Variants in NPEPL1 observed in about 807,000 individuals in gnomAD.
The protein encoded by NPEPL1 is probable aminopeptidase NPEPL1.
NPEPL1 carries 45 observed loss-of-function variants against 52.4 expected under a neutral mutation model. That is an observed-to-expected ratio of 0.86 (90% confidence interval 0.68 to 1.10). NPEPL1 has a LOEUF of 1.10. Among genes scored for constraint, NPEPL1 ranks in the 50% least tolerant of loss-of-function variants. NPEPL1 has a pLI of 0.00. For synonymous variants in NPEPL1, 360 were observed against 314.7 expected (o/e 1.14, Z -1.52); for missense variants, 696 against 710.9 (o/e 0.98, Z 0.24).
chr20:58,712,562 C>T lies in NPEPL1; in HGVS notation c.984C>T (p.His328=), dbSNP rs1173759237. The part of the protein sequence containing the change: ...GPNATRPDDI[H]LLYSGKTVEI... ...ATGCGACAAGGCCAGATGACATCCA[C>T]CTGCTGTACTCAGGGAAGTACGTCT... The change falls in exon 8 of 12, where the codon CAC becomes CAT. Residue 328 remains histidine (H), a synonymous_variant. Transcript: ENST00000356091. 1.9e-6 allele frequency: 3 copies of T among 1,612,720 alleles called. No homozygotes were observed. The highest frequency in any genetic ancestry group is 1.7e-5 in the Admixed American group (1 of 60,008).
At chr20:58,702,291 GC>G (rs145187890) in intron 6 of NPEPL1, among the ~76,000 whole-genome samples, 17,125 of 152,278 alleles carry the variant, frequency 0.11, 1,066 homozygotes, top group African/African-American at 0.14. Context: ...CAGTGGGCCT[GC>G]CCCTGGTGTC....
At chr20:58,712,696 G>C (rs760745229) in intron 8 of NPEPL1, 117 bp downstream of exon 8, 1 of 779,814 alleles carries the variant, frequency 1.3e-6, no homozygotes, top group African/African-American at 1.7e-5. Context: ...GGGGTCCCCT[G>C]GGCAGCAGGC....
At chr20:58,692,128 C>T (rs1038834932), upstream of NPEPL1, 8 of 428,196 alleles carry the variant, frequency 1.9e-5, no homozygotes, top group East Asian at 3.1e-4. The surrounding 1 kb of genome is among the most constrained non-coding windows in gnomAD (Gnocchi z 5.7). Flanking sequence ...GGCGGGAAGG[C>T]CCCCCATGCA....
upstream of NPEPL1, chr20:58,691,104 G>GTCCTATTA: frequency 1.4e-6 from 1 of 702,948 alleles, no homozygotes; most frequent in Non-Finnish European, 2.6e-6. Context: ...ATCTGTCAGG[G>GTCCTATTA]CATGGCCTTA....
intron 7 of NPEPL1, among the ~76,000 whole-genome samples, chr20:58,709,505 T>C (rs991077800): frequency 1.3e-5 from 2 of 152,042 alleles, no homozygotes; most frequent in South Asian, 2.1e-4. Context: ...TCATTCCAGG[T>C]GAGAGTGGCC....
rs2084920158 is a variant in NPEPL1 at position 58,714,689 on chromosome 20, C to T, written c.1413+19C>T. 1 of 1,555,272 alleles carries T rather than the reference C, an allele frequency of 6.4e-7. No individual in the cohort carries two copies. On this transcript the variant is annotated intron_variant, in intron 11 of 11. Transcript: ENST00000356091. Reference sequence around the variant, plus strand: ...GCATGCTGTGAGTGTCTCCCCTCCCCACTGGCCCTGGCTGCTCCCGCCCGC... The same window carrying T: ...GCATGCTGTGAGTGTCTCCCCTCCCTACTGGCCCTGGCTGCTCCCGCCCGC...
intron 5 of NPEPL1, 140 bp from the exon 6 acceptor site, chr20:58,700,876 G>GAGAA: frequency 1.3e-6 from 1 of 780,458 alleles, no homozygotes; most frequent in Non-Finnish European, 1.9e-6. Context: ...CCAGGGGCAG[G>GAGAA]AGAAGGGGCA....
At chr20:58,711,215 C>T (rs1413951911) in intron 7 of NPEPL1, 1 of 151,488 alleles carries the variant, frequency 6.6e-6, no homozygotes, top group Middle Eastern at 3.4e-3. Context: ...TGGTGGAGCT[C>T]ATCTCTGTGG....
At chr20:58,689,958 C>T (rs763420828), upstream of NPEPL1, among the ~76,000 whole-genome samples, 13 of 152,224 alleles carry the variant, frequency 8.5e-5, no homozygotes, top group East Asian at 5.8e-4. Flanking sequence ...GCAGATGCAC[C>T]GAGGAAATGT....
intron 8 of NPEPL1, chr20:58,712,853 T>C (rs2084881215): frequency 1.9e-6 from 1 of 517,586 alleles, no homozygotes; most frequent in East Asian, 3.8e-5. Context: ...GACAGGTCTT[T>C]CCAAAATTTA....
rs527881706 is a variant in NPEPL1 at position 58,707,511 on chromosome 20, C to G, written c.900+311C>G. The stretch of plus-strand genomic sequence containing the variant: ...TGGCCTAGACCCTCATGGCATGTGG[C>G]AGGCAGAAGCTCATGGCAGGGGCAC... On this transcript the variant is annotated intron_variant, in intron 7 of 11. Transcript: ENST00000356091. Among the ~76,000 whole-genome samples the G allele has an allele frequency of 2.6e-5, 4 of 152,368 alleles. No homozygotes were observed. The South Asian group carries it at 8.3e-4, about 32-fold the overall frequency.
intron 10 of NPEPL1, 124 bp downstream of exon 10, chr20:58,714,217 C>A: frequency 9.0e-7 from 1 of 1,116,474 alleles, no homozygotes; most frequent in Non-Finnish European, 1.2e-6. Flanking sequence ...ACAGTGCAGA[C>A]GAGGGCTTGA....
rs985441562 is a variant in NPEPL1 at position 58,714,791 on chromosome 20, C to T, written c.1413+121C>T. 1.4e-5 allele frequency: 11 copies of T among 787,862 alleles called. No homozygotes were observed. The South Asian group carries it at 1.5e-4, about 11-fold the overall frequency. The allele number at this position is 787,862 out of a possible 1,614,324, so 48.8% of individuals were successfully genotyped here. ...AAACTTCTGTCTGTGACCCAGCTTC[C>T]AGCCCGCTGTCCCCACCACCCCCAG... On this transcript the variant is annotated intron_variant, in intron 11 of 11. Transcript: ENST00000356091.
chr20:58,707,448 T>C (rs1452911845), intron 7 of NPEPL1, among the ~76,000 whole-genome samples: 1 of 152,222 alleles, frequency 6.6e-6, no homozygotes, highest in Admixed American at 6.5e-5. Context: ...CTGCCTTGGC[T>C]CCAGAGCCCC....
upstream of NPEPL1, chr20:58,691,463 G>A (rs148892415): frequency 5.2e-3 from 3,385 of 648,678 alleles, 21 homozygotes; most frequent in Admixed American, 9.0e-3. Context: ...AAAAAGACCT[G>A]CCTTCAGGAT....
At chr20:58,697,876 G>A (rs550262974) in intron 3 of NPEPL1, among the ~76,000 whole-genome samples, 1 of 152,344 alleles carries the variant, frequency 6.6e-6, no homozygotes, top group African/African-American at 2.4e-5. Flanking sequence ...GTGCTTTGGT[G>A]CATGTGCCCC....
chr20:58,708,772 A>G (rs61285514), intron 7 of NPEPL1, among the ~76,000 whole-genome samples: 53,667 of 151,978 alleles, frequency 0.35, 13,179 homozygotes, highest in African/African-American at 0.7. Flanking sequence ...TGGGCTCACC[A>G]GAAGAATGCT....
rs755415154 is a variant in NPEPL1 at position 58,693,819 on chromosome 20, C to T, written c.233C>T (p.Ala78Val). The change falls in exon 2 of 12, where the codon GCC (alanine) becomes GTC (valine). Residue 78 changes from alanine to valine, a missense_variant. Ala to Val is a moderately conservative substitution (Grantham distance 64, BLOSUM62 0). Coordinates refer to ENST00000356091, the MANE Select transcript of NPEPL1 (RefSeq NM_024663.4). ...PLYLNYATVA[A>V]LPCRVSRHNS... Reference sequence around the variant, plus strand: ...TACCTGAACTACGCCACCGTGGCTGCCCTGCCCTGCAGGGTGAGCCGGCAC... The same window carrying T: ...TACCTGAACTACGCCACCGTGGCTGTCCTGCCCTGCAGGGTGAGCCGGCAC... 7.4e-6 allele frequency: 12 copies of T among 1,613,386 alleles called. No homozygotes were observed. Among genetic ancestry groups the T allele is most frequent in the Non-Finnish European group, 9.3e-6 (11 of 1,179,652 alleles).
chr20:58,695,900 A>C (rs1261833329), intron 3 of NPEPL1, among the ~76,000 whole-genome samples: 5 of 152,122 alleles, frequency 3.3e-5, no homozygotes, highest in Non-Finnish European at 7.4e-5. Flanking sequence ...CCCTCCTTGA[A>C]GTGCATCTGC....
Sources: allele counts gnomAD v4.1 joint callset (sites outside exome capture counted in the v4.1 genomes callset), GRCh38; gene constraint gnomAD v4.1.1; non-coding constraint Gnocchi (gnomAD v3.1); transcripts MANE v1.5; gene names NCBI Gene and HGNC (gene_info 2026-07-23, HGNC 2026-07-21).